NUP50: variants seen among roughly 807,000 people sequenced by gnomAD.
NUP50 encodes nuclear pore complex protein Nup50.
In NUP50, 14 loss-of-function variants were observed where a neutral mutation model predicts 36.8. The ratio of observed to expected loss-of-function variants is 0.38; its 90% CI spans 0.25 to 0.59. The LOEUF is 0.59. NUP50 is among the 20% of genes least tolerant of loss of function. The pLI, the probability that NUP50 is intolerant of heterozygous loss-of-function variation, is 0.63. For missense variants in NUP50, 455 were observed against 564.6 expected (o/e 0.81, Z 1.97); for synonymous variants, 195 against 210.8 (o/e 0.93, Z 0.65).
chr22:45,174,264 G>A (rs375238797), intron 3 of NUP50, among the ~76,000 whole-genome samples: 3 of 149,778 alleles, frequency 2.0e-5, no homozygotes, highest in South Asian at 4.3e-4. Flanking sequence ...TGCAACCGCC[G>A]CCTCCTGAGC....
rs780610633 is a variant in NUP50, at chr22:45,183,436, A to C, written c.1120A>C (p.Lys374Gln). 3 of 1,608,088 alleles carry C rather than the reference A, an allele frequency of 1.9e-6. No individual in the cohort carries two copies. Among genetic ancestry groups the C allele is most frequent in the South Asian group, 2.2e-5 (2 of 90,914 alleles). The change falls in exon 7 of 8, where the codon AAA becomes CAA. Residue 374 changes from lysine (K) to glutamine (Q), a missense_variant. By Grantham distance (53) the Lys-to-Gln change is moderately conservative. Around this residue, in one of 3 missense-constraint regions of NUP50, gnomAD observed 287 missense variants for 345.5 expected, o/e 0.83. Coordinates refer to ENST00000347635, the MANE Select transcript of NUP50 (RefSeq NM_007172.4). ...KLFYKKDNEF[K>Q]EKGIGTLHLK... ...GTTTTACAAGAAAGACAATGAGTTT[A>C]AAGAGAAAGGCATAGGTACTCTGCA...
intron 1 of NUP50, chr22:45,164,647 G>A (rs939991684): frequency 1.3e-5 from 2 of 153,054 alleles, no homozygotes; most frequent in Non-Finnish European, 2.9e-5. Flanking sequence ...GTGGAGGGTG[G>A]GGTGGGATGA....
At chr22:45,166,622 T>C (rs1219147590) in intron 1 of NUP50, among the ~76,000 whole-genome samples, 1 of 151,742 alleles carries the variant, frequency 6.6e-6, no homozygotes, top group Non-Finnish European at 1.5e-5. Flanking sequence ...TGACCGTTGG[T>C]GACTTCTTAC....
At chr22:45,168,065 C>CA (rs2074123051) in intron 1 of NUP50, 103 bp from the exon 2 acceptor site, 1 of 828,410 alleles carries the variant, frequency 1.2e-6, no homozygotes, top group East Asian at 2.8e-5. Context: ...ATAAAAAAAC[C>CA]AGAGATGTTT....
In NUP50 at chr22:45,178,269, G is replaced by T. The variant is rs929804673; in HGVS notation, c.372G>T (p.Leu124Phe). 6.2e-6 allele frequency: 10 copies of T among 1,613,814 alleles called. No homozygotes were observed. Among genetic ancestry groups the T allele is most frequent in the Non-Finnish European group, 8.5e-6 (10 of 1,179,846 alleles). ...GSLAANGPTT[L>F]VDKVSNPKTN... ...TTGCTGCAAATGGCCCTACCACCTT[G>T]GTTGATAAAGTTTCAAATCCCAAAA... Residue 124 changes from leucine to phenylalanine, a missense_variant, in exon 5 of 8, where the codon TTG becomes TTT. Leu to Phe is a conservative substitution (Grantham distance 22). Coordinates refer to ENST00000347635, the MANE Select transcript of NUP50 (RefSeq NM_007172.4).
At chr22:45,182,400 C>T (rs887444433) in intron 6 of NUP50, among the ~76,000 whole-genome samples, 6 of 152,096 alleles carry the variant, frequency 3.9e-5, no homozygotes, top group African/African-American at 7.2e-5. Context: ...CAAGATCATG[C>T]CACTGCACTC....
intron 1 of NUP50, chr22:45,166,185 A>G (rs2074091220): frequency 6.6e-6 from 1 of 151,076 alleles, no homozygotes; most frequent in African/African-American, 2.4e-5. Flanking sequence ...CTGTCTCTTC[A>G]TTGTGGGTAT....
chr22:45,174,548 C>G (rs2074247907), intron 3 of NUP50, among the ~76,000 whole-genome samples: 1 of 152,058 alleles, frequency 6.6e-6, no homozygotes, highest in African/African-American at 2.4e-5. Context: ...ACTTGTGGTT[C>G]TTGAATTTTT....
chr22:45,174,338 C>T (rs2074244645), intron 3 of NUP50, among the ~76,000 whole-genome samples: 1 of 151,996 alleles, frequency 6.6e-6, no homozygotes. Context: ...CCACCACACC[C>T]AGCTAATTTT....
At position 45,171,611 on chromosome 22, in the gene NUP50, C is replaced by G. The variant is rs770834250; in HGVS notation, c.81C>G (p.Phe27Leu). The G allele has an allele frequency of 6.2e-7, 1 of 1,613,848 alleles. No homozygotes were observed. The highest frequency in any genetic ancestry group is 1.7e-5 in the Admixed American group (1 of 59,998). The change falls in exon 3 of 8, where the codon TTC becomes TTG. Residue 27 changes from phenylalanine to leucine, a missense_variant. This residue lies in a region of NUP50 where 166 missense variants were observed against 202.8 expected (regional missense o/e 0.82). Coordinates refer to ENST00000347635, the MANE Select transcript of NUP50 (RefSeq NM_007172.4). ...QEDEAEEVGT[F>L]SMASEEVLKN... ...GTATTGTATTGCAGGTGGGAACATT[C>G]TCCATGGCCAGTGAGGAAGTCTTGA...
At chr22:45,170,200 T>A (rs910977548) in intron 2 of NUP50, among the ~76,000 whole-genome samples, 1 of 151,762 alleles carries the variant, frequency 6.6e-6, no homozygotes, top group Non-Finnish European at 1.5e-5. Context: ...GCAATAAATA[T>A]CAGCACGCCC....
In NUP50 at chr22:45,184,682, T is replaced by G. The variant is rs765589224; in HGVS notation, c.*27T>G. Reference sequence around the variant, plus strand: ...CACGCAAAGTCGGCTGCAGAATTATTGCCAAGTTGCTGCTGCTTCCACCGC... The same window carrying G: ...CACGCAAAGTCGGCTGCAGAATTATGGCCAAGTTGCTGCTGCTTCCACCGC... On this transcript the variant is annotated 3_prime_UTR_variant, in exon 8 of 8. Coordinates refer to ENST00000347635, the MANE Select transcript of NUP50 (RefSeq NM_007172.4). The G allele has an allele frequency of 4.0e-6, 6 of 1,483,674 alleles. No homozygotes were observed. Among genetic ancestry groups the G allele is most frequent in the Non-Finnish European group, 5.5e-6 (6 of 1,082,152 alleles). 91.9% of individuals were successfully genotyped at this position (1,483,674 alleles called of 1,614,324 possible).
At chr22:45,171,451 G>A in intron 2 of NUP50, 149 bp from the exon 3 acceptor site, 2 of 718,118 alleles carry the variant, frequency 2.8e-6, no homozygotes, top group Non-Finnish European at 4.6e-6. Context: ...CAAAGCGCTA[G>A]TATTATAGGC....
Position 45,183,416 on chromosome 22 carries a change from A to G in NUP50, c.1100A>G (p.Tyr367Cys). ...TTTCTCCATAGGTGTAAACTGTTTT[A>G]CAAGAAAGACAATGAGTTTAAAGAG... is the stretch of plus-strand genomic sequence containing the variant. ...AFYSKKCKLF[Y>C]KKDNEFKEKG... The change falls in exon 7 of 8, where the codon TAC (tyrosine) becomes TGC (cysteine). Residue 367 changes from tyrosine (Y) to cysteine (C), a missense_variant. Physicochemically the swap from Tyr to Cys is radical, Grantham distance 194. This residue lies in a region of NUP50 where 287 missense variants were observed against 345.5 expected (regional missense o/e 0.83). Transcript: ENST00000347635. 2 of 1,593,658 alleles carry G rather than the reference A, an allele frequency of 1.3e-6. No homozygotes were observed. The highest frequency in any genetic ancestry group is 8.6e-7 in the Non-Finnish European group (1 of 1,163,186).
At chr22:45,183,854 C>T in intron 7 of NUP50, 1 of 251,956 alleles carries the variant, frequency 4.0e-6, no homozygotes, top group Non-Finnish European at 7.8e-6. Flanking sequence ...TAACTGCTTG[C>T]TGTCCATCCT....
chr22:45,184,196 G>A (rs2074430561), intron 7 of NUP50: 1 of 499,442 alleles, frequency 2.0e-6, no homozygotes, highest in South Asian at 2.2e-5. Flanking sequence ...CGAGGCTGCT[G>A]GCTCTGAGAG....
intron 1 of NUP50, among the ~76,000 whole-genome samples, chr22:45,167,555 C>T (rs1249570108): frequency 1.3e-5 from 2 of 152,136 alleles, no homozygotes; most frequent in Non-Finnish European, 2.9e-5. Context: ...TACTAACACA[C>T]CCATGTTAAT....
intron 1 of NUP50, among the ~76,000 whole-genome samples, chr22:45,166,785 C>T (rs4140644): frequency 0.027 from 4,092 of 151,470 alleles, 165 homozygotes; most frequent in African/African-American, 0.092. Context: ...AAAACTTAAC[C>T]AAGTGTTTTT....
chr22:45,178,230 T>G lies in NUP50; in HGVS notation c.341-8T>G. On this transcript the variant is annotated splice_polypyrimidine_tract_variant and splice_region_variant and intron_variant, in intron 4 of 7. Coordinates refer to ENST00000347635, the MANE Select transcript of NUP50 (RefSeq NM_007172.4). ...TAAATAAATGGTTCAATTATTAACTTTCTATAGGTTCTCTTGCTGCAAATG... is the reference window on the plus strand; with the variant it reads ...TAAATAAATGGTTCAATTATTAACTGTCTATAGGTTCTCTTGCTGCAAATG... 6.2e-7 allele frequency: 1 copy of G among 1,607,624 alleles called. No homozygotes were observed. The highest frequency in any genetic ancestry group is 8.5e-7 in the Non-Finnish European group (1 of 1,176,790).
Sources: gnomAD v4.1 joint callset for allele counts (sites outside exome capture counted in the v4.1 genomes callset) on GRCh38, gnomAD v4.1.1 for gene constraint, gnomAD v4.1.1 regional missense constraint, MANE v1.5 for transcripts, NCBI Gene and HGNC (gene_info 2026-07-23, HGNC 2026-07-21) for gene names.